ME1: variants seen among roughly 807,000 people sequenced by gnomAD.
ME1 encodes the protein malic enzyme 1, also known as NADP-dependent malic enzyme.
Under a neutral mutation model 66.4 loss-of-function variants are expected in ME1, and 74 were observed. The observed-to-expected ratio is 1.11, with a 90% CI of 0.92 to 1.35. The LOEUF (loss-of-function observed/expected upper bound fraction) is 1.35. Ranked by LOEUF, ME1 falls within the 40% of genes most tolerant of loss-of-function variation. The pLI, the probability that ME1 is intolerant of heterozygous loss-of-function variation, is 0.00. For synonymous variants in ME1, 251 were observed against 235.6 expected, an observed-to-expected ratio of 1.07 and a Z score of -0.60; for missense variants, 750 against 694.1, an observed-to-expected ratio of 1.08 and a Z score of -0.90.
chr6:83,237,591 T>C lies in ME1; in HGVS notation c.1026+126A>G, dbSNP rs930333868. On this transcript the variant is annotated intron_variant, in intron 9 of 13. Transcript: ENST00000369705. ...ATCAGTATTCTGTATGACATGATCA[T>C]TTGTATTTAATGGCTACTCTTTTAA... The C allele has an allele frequency of 2.5e-5, 13 of 518,670 alleles. 1 individual carries two copies. Among genetic ancestry groups the C allele is most frequent in the African/African-American group, 1.2e-4 (6 of 51,316 alleles). 32.1% of individuals were successfully genotyped at this position (518,670 alleles called of 1,614,324 possible).
At position 83,211,111 on chromosome 6, in the gene ME1, T is replaced by A. The variant is rs1004401918; in HGVS notation, c.*813A>T. 6.6e-6 allele frequency: 1 copy of A among 152,188 alleles called. No individual in the cohort carries two copies. 9.4% of individuals were successfully genotyped at this position (152,188 alleles called of 1,614,324 possible). A position where few individuals can be genotyped will look rare whatever the true frequency, so the allele number is the denominator to read the frequency against. ...TCTCAAGGATCTTAACTATATACTC[T>A]CCTTTCAGACCTTCTCACTGCTCAG... On this transcript the variant is annotated 3_prime_UTR_variant, in exon 14 of 14. Coordinates refer to ENST00000369705, the MANE Select transcript of ME1 (RefSeq NM_002395.6).
intron 6 of ME1, among the ~76,000 whole-genome samples, chr6:83,260,616 G>A (rs1766864284): frequency 6.6e-6 from 1 of 152,124 alleles, no homozygotes; most frequent in African/African-American, 2.4e-5. Context: ...ATGGACACTA[G>A]GCCCCAGTGT....
At chr6:83,239,015 C>T (rs1039589798) in intron 8 of ME1, among the ~76,000 whole-genome samples, 1 of 151,744 alleles carries the variant, frequency 6.6e-6, no homozygotes, top group Non-Finnish European at 1.5e-5. Context: ...GGTTTTGCTG[C>T]AGTCTCTTTC....
chr6:83,289,033 C>T (rs984739617), intron 6 of ME1, among the ~76,000 whole-genome samples: 1 of 152,178 alleles, frequency 6.6e-6, no homozygotes, highest in Non-Finnish European at 1.5e-5. Flanking sequence ...TGCTTATCAG[C>T]TTAAGGAAAT....
In ME1 at chr6:83,403,666, G is replaced by A. The variant is rs189441103; in HGVS notation, c.212+4102C>T. On this transcript the variant is annotated intron_variant, in intron 2 of 13. Transcript: ENST00000369705. ...CTCCCTCTCCTTTCCTCCACCCCAC[G>A]ACAGGCCCTGGTGTGTGATGTTCCC... Among the ~76,000 whole-genome samples the A allele has an allele frequency of 6.6e-5, 10 of 152,018 alleles. No homozygotes were observed. In the East Asian group the frequency reaches 9.7e-4, roughly 15 times the overall value.
intron 6 of ME1, among the ~76,000 whole-genome samples, chr6:83,278,480 C>T (rs1337665472): frequency 2.0e-5 from 3 of 152,170 alleles, no homozygotes; most frequent in East Asian, 3.8e-4. Context: ...CTTGCTCTGT[C>T]GCCCAGGCTA....
chr6:83,384,413 T>C (rs1291990288), intron 3 of ME1, among the ~76,000 whole-genome samples: 1 of 151,920 alleles, frequency 6.6e-6, no homozygotes, highest in Non-Finnish European at 1.5e-5. Context: ...TGCACTTCTC[T>C]GATGATTACT....
chr6:83,240,276 G>C (rs1413047661), intron 7 of ME1, among the ~76,000 whole-genome samples: 10 of 151,942 alleles, frequency 6.6e-5, no homozygotes, highest in Non-Finnish European at 1.5e-4. Flanking sequence ...TAATATTTTT[G>C]ATACATTTGG....
At chr6:83,401,510 G>A (rs573905744) in intron 2 of ME1, among the ~76,000 whole-genome samples, 2 of 152,208 alleles carry the variant, frequency 1.3e-5, no homozygotes, top group East Asian at 3.9e-4. Flanking sequence ...CTGATAAAAT[G>A]GCCCAGGAAA....
intron 1 of ME1, among the ~76,000 whole-genome samples, chr6:83,425,774 C>T (rs1770359597): frequency 1.3e-5 from 2 of 152,080 alleles, no homozygotes; most frequent in Admixed American, 1.3e-4. Flanking sequence ...AAAATAATAC[C>T]AGTGTTTTTA....
rs185417557 is a variant in ME1 at position 83,350,647 on chromosome 6, C to G, written c.438+1417G>C. Among the ~76,000 whole-genome samples the G allele has an allele frequency of 3.0e-3, 461 of 152,026 alleles. 1 individual carries two copies. The highest frequency in any genetic ancestry group is 0.011 in the African/African-American group (450 of 41,486). ...CTACAGGCATGCACCACCATTCCAG[C>G]TAATTTTAAAATTTTTTCTAGAAAT... On this transcript the variant is annotated intron_variant, in intron 4 of 13. Transcript: ENST00000369705.
chr6:83,229,546 G>A (rs1790259602), intron 9 of ME1, among the ~76,000 whole-genome samples: 1 of 152,146 alleles, frequency 6.6e-6, no homozygotes, highest in South Asian at 2.1e-4. Flanking sequence ...GGTACTTGAT[G>A]ACTTACAAGT....
At chr6:83,340,746 C>G (rs554994008) in intron 5 of ME1, among the ~76,000 whole-genome samples, 5 of 151,768 alleles carry the variant, frequency 3.3e-5, no homozygotes, top group African/African-American at 1.2e-4. Context: ...AAATGTTAAG[C>G]TGTCAATTTT....
chr6:83,372,776 G>A (rs1428015535), intron 3 of ME1, among the ~76,000 whole-genome samples: 3 of 152,154 alleles, frequency 2.0e-5, no homozygotes, highest in Non-Finnish European at 2.9e-5. Flanking sequence ...AGTGGGAGAT[G>A]GCTTCACTGT....
chr6:83,217,760 A>T (rs1435998985), intron 12 of ME1, among the ~76,000 whole-genome samples: 1 of 152,210 alleles, frequency 6.6e-6, no homozygotes, highest in Admixed American at 6.5e-5. Flanking sequence ...GACCAAAGGC[A>T]GAGTTGTGTG....
At chr6:83,381,541 A>C (rs538775055) in intron 3 of ME1, among the ~76,000 whole-genome samples, 3 of 151,954 alleles carry the variant, frequency 2.0e-5, no homozygotes, top group African/African-American at 7.3e-5. Flanking sequence ...GAGTCTGTGT[A>C]TATACCTACA....
chr6:83,212,745 T>C (rs185893931), intron 13 of ME1, among the ~76,000 whole-genome samples: 1 of 152,322 alleles, frequency 6.6e-6, no homozygotes, highest in Admixed American at 6.5e-5. Context: ...CATTATACTT[T>C]TTTCTCTCTT....
chr6:83,253,852 T>A, intron 6 of ME1, 114 bp from the exon 7 acceptor site: 1 of 573,326 alleles, frequency 1.7e-6, no homozygotes, highest in Non-Finnish European at 3.1e-6. Context: ...AAAGGTTCTA[T>A]CTTGCTGCTT....
At chr6:83,280,053 C>G (rs1360149456) in intron 6 of ME1, among the ~76,000 whole-genome samples, 1 of 152,100 alleles carries the variant, frequency 6.6e-6, no homozygotes, top group East Asian at 1.9e-4. Flanking sequence ...GAAATAAAGA[C>G]TTTCTCAGAC....
Sources: gnomAD v4.1 joint callset for allele counts (sites outside exome capture counted in the v4.1 genomes callset) on GRCh38, gnomAD v4.1.1 for gene constraint, MANE v1.5 for transcripts, NCBI Gene and HGNC (gene_info 2026-07-23, HGNC 2026-07-21) for gene names.